Variants in LARS2 observed in about 807,000 individuals in gnomAD.
LARS2 encodes the protein leucyl-tRNA synthetase 2, mitochondrial.
LARS2 carries 81 observed loss-of-function variants against 116.6 expected under a neutral mutation model. The ratio of observed to expected loss-of-function variants is 0.69; its 90% CI spans 0.58 to 0.84. The LOEUF (loss-of-function observed/expected upper bound fraction) is 0.84. Ranked by LOEUF, LARS2 falls within the 40% of genes least tolerant of loss-of-function variation. The pLI, the probability that LARS2 is intolerant of heterozygous loss-of-function variation, is 0.00. For synonymous variants in LARS2, 396 were observed against 407.2 expected (o/e 0.97, Z 0.33); for missense variants, 968 against 1,114.5 (o/e 0.87, Z 1.87).
At chr3:45,542,141 G>T (rs1700808757) in intron 21 of LARS2, among the ~76,000 whole-genome samples, 185 bp downstream of exon 21, 1 of 152,182 alleles carries the variant, frequency 6.6e-6, no homozygotes, top group Non-Finnish European at 1.5e-5. Flanking sequence ...CCTCAGTTTT[G>T]TAGGTCACCA....
At chr3:45,477,196 G>A (rs958957171) in intron 10 of LARS2, among the ~76,000 whole-genome samples, 5 of 152,190 alleles carry the variant, frequency 3.3e-5, no homozygotes, top group African/African-American at 1.2e-4. Flanking sequence ...GTGAAGATTT[G>A]AAGATTCTGT....
chr3:45,413,855 C>T (rs1698374033), intron 4 of LARS2, among the ~76,000 whole-genome samples: 1 of 152,124 alleles, frequency 6.6e-6, no homozygotes, highest in African/African-American at 2.4e-5. Context: ...GCAAGATGCA[C>T]CTAGGTTGGG....
chr3:45,414,323 C>T (rs1698380109), intron 4 of LARS2, among the ~76,000 whole-genome samples: 1 of 152,122 alleles, frequency 6.6e-6, no homozygotes, highest in South Asian at 2.1e-4. Flanking sequence ...TACAAATTTA[C>T]CACATGTAAC....
chr3:45,491,139 C>A (rs1575288938), intron 12 of LARS2, among the ~76,000 whole-genome samples: 1 of 152,166 alleles, frequency 6.6e-6, no homozygotes, highest in East Asian at 1.9e-4. Flanking sequence ...GGTGATAAAG[C>A]AAGCCACAGA....
chr3:45,485,497 A>C (rs1179544961), intron 10 of LARS2, among the ~76,000 whole-genome samples, 195 bp from the exon 11 acceptor site: 1 of 152,238 alleles, frequency 6.6e-6, no homozygotes, highest in African/African-American at 2.4e-5. Context: ...ACATTTTTTC[A>C]TGTGCGTATT....
chr3:45,433,417 C>T (rs948458511), intron 6 of LARS2, among the ~76,000 whole-genome samples: 1 of 151,874 alleles, frequency 6.6e-6, no homozygotes, highest in Middle Eastern at 3.2e-3. Flanking sequence ...CATTGGGTAG[C>T]TTTTTTATTA....
chr3:45,397,894 G>A (rs1008269507), intron 3 of LARS2, among the ~76,000 whole-genome samples: 10 of 152,304 alleles, frequency 6.6e-5, no homozygotes, highest in African/African-American at 2.4e-4. Flanking sequence ...CTTTCTTAAG[G>A]ACAGTTATTA....
chr3:45,389,211 T>G (rs1465131015), intron 1 of LARS2: 1 of 152,150 alleles, frequency 6.6e-6, no homozygotes, highest in African/African-American at 2.4e-5. Flanking sequence ...TTTTGAGTGT[T>G]GTACACAGAT....
chr3:45,406,401 G>A (rs1004738550), intron 4 of LARS2, among the ~76,000 whole-genome samples: 1 of 152,166 alleles, frequency 6.6e-6, no homozygotes, highest in Non-Finnish European at 1.5e-5. Context: ...TCCCAGATTT[G>A]GCACTTACAT....
chr3:45,504,076 A>G lies in LARS2; in HGVS notation c.1760+3497A>G, dbSNP rs568032390. ...TTCCATATCAGCACAAACAGATATC[A>G]CATTCTTTTTAATGTAGGCATAGTA... On this transcript the variant is annotated intron_variant, in intron 15 of 21. Coordinates refer to ENST00000645846, the MANE Select transcript of LARS2 (RefSeq NM_015340.4). Among the ~76,000 whole-genome samples, 3 of 152,124 alleles carry G rather than the reference A, an allele frequency of 2.0e-5. No homozygotes were observed. In the East Asian group the frequency reaches 5.8e-4, roughly 29 times the overall value.
intron 10 of LARS2, among the ~76,000 whole-genome samples, chr3:45,478,657 C>T (rs142256354): frequency 1.8e-4 from 27 of 152,250 alleles, no homozygotes; most frequent in African/African-American, 5.3e-4. Flanking sequence ...GTTACTTTCT[C>T]CCCTCTTTTT....
chr3:45,391,618 A>G lies in LARS2; in HGVS notation c.-52A>G, dbSNP rs182031628. The G allele has an allele frequency of 3.3e-5, 5 of 152,128 alleles. No individual in the cohort carries two copies. Among genetic ancestry groups the G allele is most frequent in the African/African-American group, 1.2e-4 (5 of 41,508 alleles). The allele number at this position is 152,128 out of a possible 1,614,324, so 9.4% of individuals were successfully genotyped here. ...ACAGATAAAAAACATTATTTAATCT[A>G]TCTGGGATTTACTCCGGCTTATGAT... On this transcript the variant is annotated 5_prime_UTR_variant, in exon 2 of 22. Coordinates refer to ENST00000645846, the MANE Select transcript of LARS2 (RefSeq NM_015340.4).
chr3:45,511,793 T>C (rs9869796), intron 15 of LARS2, among the ~76,000 whole-genome samples: 1,768 of 142,700 alleles, frequency 0.012, 24 homozygotes, highest in African/African-American at 0.037. Flanking sequence ...TTTTTTTTTT[T>C]TGGAGACAGA....
chr3:45,389,745 C>A (rs950349499), intron 1 of LARS2, among the ~76,000 whole-genome samples: 6 of 152,182 alleles, frequency 3.9e-5, no homozygotes, highest in African/African-American at 4.8e-5. Context: ...CCAAGTTGAT[C>A]ATAAATATAA....
intron 13 of LARS2, among the ~76,000 whole-genome samples, chr3:45,493,276 T>G (rs1033864690): frequency 6.6e-6 from 1 of 152,168 alleles, no homozygotes. Flanking sequence ...ATTTTTTGTA[T>G]TTTTAGTAGA....
intron 2 of LARS2, among the ~76,000 whole-genome samples, chr3:45,394,152 C>T (rs1160980589): frequency 2.6e-5 from 4 of 152,222 alleles, no homozygotes; most frequent in Non-Finnish European, 5.9e-5. Context: ...GCCTTCCATG[C>T]AACTTGTGAG....
At chr3:45,481,770 C>G (rs999027939) in intron 10 of LARS2, among the ~76,000 whole-genome samples, 3 of 152,034 alleles carry the variant, frequency 2.0e-5, no homozygotes, top group Non-Finnish European at 4.4e-5. Flanking sequence ...TTATCAGATA[C>G]GTAATCTACT....
intron 15 of LARS2, among the ~76,000 whole-genome samples, chr3:45,511,587 A>C (rs373731875): frequency 2.6e-5 from 4 of 152,134 alleles, no homozygotes; most frequent in East Asian, 3.9e-4. Flanking sequence ...AAAAAAAAAA[A>C]AGTTATAAAA....
chr3:45,415,503 C>A (rs750372210), intron 4 of LARS2, among the ~76,000 whole-genome samples: 8 of 152,092 alleles, frequency 5.3e-5, no homozygotes, highest in South Asian at 2.1e-4. Context: ...ACACATGGAA[C>A]CTTTCTTATA....
Sources: gnomAD v4.1 joint callset for allele counts (sites outside exome capture counted in the v4.1 genomes callset) on GRCh38, gnomAD v4.1.1 for gene constraint, MANE v1.5 for transcripts, NCBI Gene and HGNC (gene_info 2026-07-23, HGNC 2026-07-21) for gene names.